STAT2: variants seen among roughly 807,000 people sequenced by gnomAD.
STAT2 encodes the protein signal transducer and activator of transcription 2, also known as interferon alpha induced transcriptional activator.
A neutral mutation model predicts 122.3 loss-of-function variants in STAT2; 51 were observed. The ratio of observed to expected loss-of-function variants is 0.42; its 90% CI spans 0.33 to 0.53. The LOEUF is 0.53. Ranked by LOEUF, STAT2 falls within the 20% of genes least tolerant of loss-of-function variation. The pLI is 0.10. For missense variants in STAT2, 736 were observed against 1,010.3 expected (o/e 0.73, Z 3.68); for synonymous variants, 351 against 394.9 (o/e 0.89, Z 1.32).
At chr12:56,350,677 G>A in intron 11 of STAT2, 152 bp downstream of exon 11, 2 of 920,586 alleles carry the variant, frequency 2.2e-6, no homozygotes, top group Non-Finnish European at 3.4e-6. Context: ...ATGTCACAAA[G>A]TAAGTGTTCA....
Position 56,351,193 on chromosome 12 carries a change from G to T in STAT2, c.942-3C>A. On this transcript the variant is annotated splice_polypyrimidine_tract_variant and splice_region_variant and intron_variant, in intron 9 of 23. Coordinates refer to ENST00000314128, the MANE Select transcript of STAT2 (RefSeq NM_005419.4). ...GCTGGGTTTCTACCACAAAGGCTCT[G>T]AGGAGAGAGAGGTGTGGAGAGAATA... is the stretch of plus-strand genomic sequence containing the variant. The T allele has an allele frequency of 1.2e-6, 2 of 1,613,484 alleles. No individual in the cohort carries two copies. The highest frequency in any genetic ancestry group is 1.7e-6 in the Non-Finnish European group (2 of 1,179,588).
At chr12:56,354,945 G>A (rs965626962) in intron 6 of STAT2, 82 bp from the exon 7 acceptor site, 1 of 1,398,184 alleles carries the variant, frequency 7.2e-7, no homozygotes, top group Non-Finnish European at 1.0e-6. Flanking sequence ...CAGGAAGGAG[G>A]AATTTTGTGG....
intron 23 of STAT2, 106 bp downstream of exon 23, chr12:56,343,719 C>G (rs1441848413): frequency 6.5e-7 from 1 of 1,549,902 alleles, no homozygotes; most frequent in Non-Finnish European, 8.7e-7. Flanking sequence ...GAATGGACCT[C>G]TCTCCAATGA....
In STAT2 at chr12:56,351,061, G is replaced by A. The variant is rs1482673263; in HGVS notation, c.1034+37C>T. Reference sequence around the variant, plus strand: ...CCAGAAAATACACAGTGGCAGGGTTGGAAAAAGGAAGTGGGAATGAGTTCT... The same window carrying A: ...CCAGAAAATACACAGTGGCAGGGTTAGAAAAAGGAAGTGGGAATGAGTTCT... On this transcript the variant is annotated intron_variant, in intron 10 of 23. Transcript: ENST00000314128. 3.7e-6 allele frequency: 6 copies of A among 1,605,066 alleles called. No homozygotes were observed. In the East Asian group the frequency reaches 1.3e-4, roughly 36 times the overall value.
At position 56,356,503 on chromosome 12, in the gene STAT2, C is replaced by T. The variant is rs768335426; in HGVS notation, c.69G>A (p.Ser23=). The change falls in exon 2 of 24, where the codon TCG becomes TCA. Residue 23 remains serine, a synonymous_variant. Transcript: ENST00000314128. The part of the protein sequence containing the change: ...PFQDQLHQLY[S]HSLLPVDIRQ... Reference sequence around the variant, plus strand: ...GAATGTCCACAGGCAGGAGGCTGTGCGAGTAAAGCTGGTGCAGCTGATCCT... The same window carrying T: ...GAATGTCCACAGGCAGGAGGCTGTGTGAGTAAAGCTGGTGCAGCTGATCCT... 2.4e-5 allele frequency: 39 copies of T among 1,614,040 alleles called. No homozygotes were observed. Among genetic ancestry groups the T allele is most frequent in the African/African-American group, 1.6e-4 (12 of 74,908 alleles).
chr12:56,354,522 C>T lies in STAT2; in HGVS notation c.726G>A (p.Gln242=). 1 of 1,614,196 alleles carries T rather than the reference C, an allele frequency of 6.2e-7. No individual in the cohort carries two copies. Among genetic ancestry groups the T allele is most frequent in the Non-Finnish European group, 8.5e-7 (1 of 1,180,044 alleles). ...TGGGAGCTCTGATGCAGGCTTTTTGCTGCTGGGCCTTCCACTCCTCCAACT... is the reference window on the plus strand; with the variant it reads ...TGGGAGCTCTGATGCAGGCTTTTTGTTGCTGGGCCTTCCACTCCTCCAACT... ...LPKLEEWKAQ[Q]QKACIRAPID... is the part of the protein sequence containing the mutation. Residue 242 remains glutamine (Q), a synonymous_variant, in exon 8 of 24, where the codon CAG becomes CAA. Transcript: ENST00000314128.
At position 56,343,908 on chromosome 12, in the gene STAT2, G is replaced by A. The variant is rs1876957898; in HGVS notation, c.2330C>T (p.Pro777Leu). The A allele has an allele frequency of 6.2e-7, 1 of 1,614,190 alleles. No homozygotes were observed. The highest frequency in any genetic ancestry group is 8.5e-7 in the Non-Finnish European group (1 of 1,180,034). The change falls in exon 23 of 24, where the codon CCA (proline) becomes CTA (leucine). Residue 777 changes from proline (P) to leucine (L), a missense_variant. Coordinates refer to ENST00000314128, the MANE Select transcript of STAT2 (RefSeq NM_005419.4). ...TGGCTGTGATACAGGTCCTTGGTCT[G>A]GCTCTGGCACTGTTTGTGATACCAT... ...LCMVSQTVPE[P>L]DQGPVSQPVP...
At chr12:56,345,524 A>AAAAAAATATATATATATATAT (rs1555169410) in intron 22 of STAT2, among the ~76,000 whole-genome samples, 5 of 26,240 alleles carry the variant, frequency 1.9e-4, no homozygotes, top group Admixed American at 5.4e-4. Flanking sequence ...AAAAAAAAAA[A>AAAAAAATATATATATATATAT]ATATATATAT....
In STAT2 at chr12:56,349,034, G is replaced by C. The variant is rs138681270; in HGVS notation, c.1466C>G (p.Pro489Arg). 1.1e-4 allele frequency: 179 copies of C among 1,613,662 alleles called. No individual in the cohort carries two copies. Among genetic ancestry groups the C allele is most frequent in the South Asian group, 4.3e-4 (39 of 91,004 alleles). The change falls in exon 17 of 24, where the codon CCC becomes CGC. Residue 489 changes from proline to arginine, a missense_variant. Pro to Arg is a moderately radical substitution (Grantham distance 103). Coordinates refer to ENST00000314128, the MANE Select transcript of STAT2 (RefSeq NM_005419.4). Reference protein sequence around the residue: ...LQNQQFFSNPPKAPWSLLGPA... With the variant: ...LQNQQFFSNPRKAPWSLLGPA... Reference sequence around the variant, plus strand: ...GCCCAGCAAGCTCCAGGGGGCCTTGGGGGGGTTGGAGAAGAACTGCTGGTT... The same window carrying C: ...GCCCAGCAAGCTCCAGGGGGCCTTGCGGGGGTTGGAGAAGAACTGCTGGTT...
Position 56,360,044 on chromosome 12 carries a change from C to G in STAT2, c.-8+14G>C. On this transcript the variant is annotated intron_variant, in intron 1 of 23. Coordinates refer to ENST00000314128, the MANE Select transcript of STAT2 (RefSeq NM_005419.4). ...CCCCACCCCTACCCCAGCACACCCT[C>G]TCAGGGCCCGTACCTGATTAGGGTT... 2 of 985,404 alleles carry G rather than the reference C, an allele frequency of 2.0e-6. No homozygotes were observed. Among genetic ancestry groups the G allele is most frequent in the Non-Finnish European group, 2.4e-6 (2 of 829,946 alleles). The allele number at this position is 985,404 out of a possible 1,614,324, so 61.0% of individuals were successfully genotyped here.
intron 19 of STAT2, among the ~76,000 whole-genome samples, chr12:56,348,200 G>A (rs1877830163): frequency 6.8e-6 from 1 of 147,270 alleles, no homozygotes; most frequent in Non-Finnish European, 1.5e-5. Context: ...CCATTTTCCT[G>A]CCTCAGCCTC....
intron 11 of STAT2, 124 bp from the exon 12 acceptor site, chr12:56,350,556 A>C (rs11171809): frequency 3.4e-6 from 3 of 878,502 alleles, no homozygotes; most frequent in Non-Finnish European, 5.2e-6. Context: ...TGTGGCCTTG[A>C]GAAGAGATGT....
chr12:56,354,035 ATATAT>A (rs1879094302), intron 8 of STAT2, among the ~76,000 whole-genome samples: 1 of 84,856 alleles, frequency 1.2e-5, no homozygotes, highest in African/African-American at 3.5e-5. Context: ...ATATATATAT[ATATAT>A]AAAAAATACT....
At position 56,349,246 on chromosome 12, in the gene STAT2, C is replaced by A; in HGVS notation, c.1357G>T (p.Val453Leu). The A allele has an allele frequency of 6.2e-7, 1 of 1,614,204 alleles. No individual in the cohort carries two copies. The highest frequency in any genetic ancestry group is 8.5e-7 in the Non-Finnish European group (1 of 1,180,040). The change falls in exon 16 of 24, where the codon GTG becomes TTG. Residue 453 changes from valine to leucine, a missense_variant. Coordinates refer to ENST00000314128, the MANE Select transcript of STAT2 (RefSeq NM_005419.4). Reference protein sequence around the residue: ...KQELKTDTLPVVIISNMNQLS... With the variant: ...KQELKTDTLPLVIISNMNQLS... ...TGGTTCATGTTGGAAATAATCACCA[C>A]AGGGAGGGTGTCCGTCTGGGGAGAA...
intron 9 of STAT2, 40 bp downstream of exon 9, chr12:56,351,252 G>A: frequency 1.2e-6 from 2 of 1,612,170 alleles, no homozygotes; most frequent in Middle Eastern, 3.3e-4. Context: ...GGCTTCCCTT[G>A]TTCCTTCTTT....
At chr12:56,358,774 T>C (rs1879914235) in intron 1 of STAT2, among the ~76,000 whole-genome samples, 1 of 152,176 alleles carries the variant, frequency 6.6e-6, no homozygotes, top group Non-Finnish European at 1.5e-5. Context: ...TTGTTGCCTG[T>C]AATCCCAGCT....
At position 56,344,728 on chromosome 12, in the gene STAT2, C is replaced by T. The variant is rs144427123; in HGVS notation, c.2103-593G>A. On this transcript the variant is annotated intron_variant, in intron 22 of 23. Transcript: ENST00000314128. ...TCTACTAAAAATACAAAAGTTAGGC[C>T]GGGTGCAGAGGCTCACGCCTGTAAT... Among the ~76,000 whole-genome samples, 1,245 of 151,906 alleles carry T rather than the reference C, an allele frequency of 8.2e-3. 24 individuals carry two copies. The highest frequency in any genetic ancestry group is 0.028 in the African/African-American group (1,177 of 41,382).
At position 56,347,414 on chromosome 12, in the gene STAT2, C is replaced by T. The variant is rs575140507; in HGVS notation, c.1725-459G>A. Among the ~76,000 whole-genome samples the T allele has an allele frequency of 1.1e-4, 17 of 152,154 alleles. No individual in the cohort carries two copies. In the South Asian group the frequency reaches 3.5e-3, roughly 32 times the overall value. On this transcript the variant is annotated intron_variant, in intron 19 of 23. Coordinates refer to ENST00000314128, the MANE Select transcript of STAT2 (RefSeq NM_005419.4). ...CCACGTGGCCCAGGGTAGTTTTGAA[C>T]TCCTGGGCTCAAGTGATCTGTACTC... is the stretch of plus-strand genomic sequence containing the variant.
At position 56,348,584 on chromosome 12, in the gene STAT2, G is replaced by C; in HGVS notation, c.1669C>G (p.Leu557Val). Residue 557 changes from leucine (L) to valine (V), a missense_variant, in exon 19 of 24, where the codon CTG (leucine) becomes GTG (valine). Transcript: ENST00000314128. ...TGTACCAACTCCAGAATTTTGTCCA[G>C]CCATGTCCAGAATGGTAACTTGCCA... is the stretch of plus-strand genomic sequence containing the variant. Reference protein sequence around the residue: ...PPGKLPFWTWLDKILELVHDH... With the variant: ...PPGKLPFWTWVDKILELVHDH... 1 of 1,614,146 alleles carries C rather than the reference G, an allele frequency of 6.2e-7. No homozygotes were observed. The highest frequency in any genetic ancestry group is 8.5e-7 in the Non-Finnish European group (1 of 1,180,032).
Sources: allele counts gnomAD v4.1 joint callset (sites outside exome capture counted in the v4.1 genomes callset), GRCh38; gene constraint gnomAD v4.1.1; transcripts MANE v1.5; gene names NCBI Gene and HGNC (gene_info 2026-07-23, HGNC 2026-07-21).